The following AKR1C2 variants were observed in gnomAD, a reference collection of about 807,000 sequenced individuals.
AKR1C2 encodes aldo-keto reductase family 1 member C2, also known as 3-alpha-HSD3.
AKR1C2 carries 27 observed loss-of-function variants against 39.8 expected under a neutral mutation model. The ratio of observed to expected loss-of-function variants is 0.68; its 90% CI spans 0.50 to 0.93. AKR1C2 has a LOEUF of 0.93. Ranked by LOEUF, AKR1C2 falls within the 40% of genes least tolerant of loss-of-function variation. The pLI is 0.00. For synonymous variants in AKR1C2, 114 were observed against 137.9 expected (o/e 0.83, Z 1.22); for missense variants, 263 against 365.1 (o/e 0.72, Z 2.28).
At chr10:5,004,301 T>C (rs1436389271), upstream of AKR1C2, among the ~76,000 whole-genome samples, 1 of 152,354 alleles carries the variant, frequency 6.6e-6, no homozygotes, top group East Asian at 1.9e-4. Flanking sequence ...CTAATGAGCA[T>C]TTCTTTAAAA....
In AKR1C2 at chr10:5,013,592, A is replaced by T. The variant is rs189156675; in HGVS notation, c.-88+4308T>A. 5.9e-5 allele frequency: 10 copies of T among 168,450 alleles called. No individual in the cohort carries two copies. In the East Asian group the frequency reaches 1.3e-3, roughly 21 times the overall value. 10.4% of individuals were successfully genotyped at this position (168,450 alleles called of 1,614,324 possible). On this transcript the variant is annotated intron_variant, in intron 1 of 6. Transcript: ENST00000604507. Reference sequence around the variant, plus strand: ...ACTGGACACCCTGATGGACCTGGTTAAACCTGCATCTCTGCATTTCTCCAG... The same window carrying T: ...ACTGGACACCCTGATGGACCTGGTTTAACCTGCATCTCTGCATTTCTCCAG...
rs201188346 is a variant in AKR1C2, at chr10:4,998,619, G to A, written c.570+6C>T. 6.2e-5 allele frequency: 100 copies of A among 1,613,966 alleles called. No homozygotes were observed. The East Asian group carries it at 1.3e-3, about 21-fold the overall frequency. On this transcript the variant is annotated splice_donor_region_variant and intron_variant, in intron 5 of 8. Coordinates refer to ENST00000380753, the MANE Select transcript of AKR1C2 (RefSeq NM_001393392.1). ...ACAGAAAGGAGAGGAGGCTGAGGGC[G>A]CTCACCTGGTTGCAGACAGGCTTGT...
At position 5,011,485 on chromosome 10, in the gene AKR1C2, T is replaced by C. The variant is rs144517064; in HGVS notation, c.-88+6415A>G. Among the ~76,000 whole-genome samples, 1,242 of 152,308 alleles carry C rather than the reference T, an allele frequency of 8.2e-3. 10 individuals are homozygous for C. The highest frequency in any genetic ancestry group is 0.013 in the Non-Finnish European group (915 of 68,024). ...AGTAATACCTAGACTTCACTACAGA[T>C]CTAATGAATAAGAATCTCTGGTGTA... On this transcript the variant is annotated intron_variant, in intron 1 of 6. Transcript: ENST00000604507.
intron 8 of AKR1C2, among the ~76,000 whole-genome samples, 181 bp from the exon 9 acceptor site, chr10:4,990,219 A>G (rs1394607004): frequency 6.6e-6 from 1 of 152,220 alleles, no homozygotes; most frequent in African/African-American, 2.4e-5. Flanking sequence ...TATTTTCAAA[A>G]TAAAGAATAA....
At chr10:4,996,403 CT>C (rs1174771214) in intron 5 of AKR1C2, among the ~76,000 whole-genome samples, 9 of 150,614 alleles carry the variant, frequency 6.0e-5, no homozygotes, top group Admixed American at 6.0e-4. Context: ...TCTTTCATTA[CT>C]TTTCCTTTTT....
At chr10:5,000,050 C>A in intron 3 of AKR1C2, 1 of 1,065,106 alleles carries the variant, frequency 9.4e-7, no homozygotes, top group Non-Finnish European at 1.1e-6. Context: ...AAAAATAAAA[C>A]CTCCAGTGTG....
intron 1 of AKR1C2, chr10:5,013,270 C>T (rs1337332065): frequency 1.3e-5 from 2 of 152,104 alleles, no homozygotes; most frequent in African/African-American, 2.4e-5. Context: ...TGAAAAATTA[C>T]CTTATCTAAT....
At chr10:4,997,913 TGC>T (rs1554773296) in intron 5 of AKR1C2, among the ~76,000 whole-genome samples, 1 of 152,140 alleles carries the variant, frequency 6.6e-6, no homozygotes, top group East Asian at 1.9e-4. Flanking sequence ...GAAAGAACCA[TGC>T]ATAGAATAGA....
At chr10:5,011,887 G>GAGCA (rs1347410375) in intron 1 of AKR1C2, among the ~76,000 whole-genome samples, 1 of 152,172 alleles carries the variant, frequency 6.6e-6, no homozygotes, top group African/African-American at 2.4e-5. Context: ...AAGGTTCATA[G>GAGCA]AGCAGTTATA....
chr10:4,993,590 A>T (rs1405963018), intron 7 of AKR1C2, among the ~76,000 whole-genome samples: 2 of 152,114 alleles, frequency 1.3e-5, no homozygotes, highest in East Asian at 1.9e-4. Context: ...GACACAACAC[A>T]CACCAACCAC....
intron 7 of AKR1C2, among the ~76,000 whole-genome samples, chr10:4,993,278 A>G (rs1187688255): frequency 1.3e-5 from 2 of 152,232 alleles, no homozygotes; most frequent in South Asian, 2.1e-4. Context: ...ACTTTTTAAC[A>G]TTATAGCACA....
intron 1 of AKR1C2, among the ~76,000 whole-genome samples, chr10:5,015,636 G>A (rs1375302543): frequency 2.6e-5 from 4 of 152,122 alleles, no homozygotes; most frequent in Non-Finnish European, 5.9e-5. Flanking sequence ...GACAATGTAA[G>A]GTGTTGCAAA....
At chr10:4,997,712 TA>T (rs758019061) in intron 5 of AKR1C2, among the ~76,000 whole-genome samples, 2 of 152,196 alleles carry the variant, frequency 1.3e-5, no homozygotes, top group Non-Finnish European at 2.9e-5. Context: ...ATGCTTTTAT[TA>T]AATTATCACA....
chr10:5,000,137 C>G, intron 3 of AKR1C2: 1 of 1,285,508 alleles, frequency 7.8e-7, no homozygotes, highest in South Asian at 2.3e-5. Context: ...GAGTTCTTGC[C>G]CCTTGAAAAG....
chr10:5,001,125 C>T (rs1353199705), intron 2 of AKR1C2, among the ~76,000 whole-genome samples: 1 of 152,184 alleles, frequency 6.6e-6, no homozygotes, highest in African/African-American at 2.4e-5. Flanking sequence ...ACTCACTGAG[C>T]TCTCTTATAT....
chr10:5,017,537 A>G (rs1204899824), intron 1 of AKR1C2, among the ~76,000 whole-genome samples: 2 of 152,128 alleles, frequency 1.3e-5, no homozygotes, highest in Non-Finnish European at 2.9e-5. Flanking sequence ...TAAGTTTCTC[A>G]TCTCCATCTG....
intron 5 of AKR1C2, among the ~76,000 whole-genome samples, chr10:4,997,577 T>C (rs1175452079): frequency 1.2e-4 from 19 of 152,100 alleles, no homozygotes; most frequent in African/African-American, 4.3e-4. Flanking sequence ...AAAATGTTAG[T>C]AATTTTGAAT....
intron 8 of AKR1C2, among the ~76,000 whole-genome samples, chr10:4,991,550 T>C (rs111551929): frequency 1.3e-5 from 2 of 152,122 alleles, no homozygotes; most frequent in African/African-American, 2.4e-5. Flanking sequence ...ACGGCAGGCC[T>C]ACATGGAAGG....
At chr10:4,992,545 A>T (rs1387343817) in intron 7 of AKR1C2, among the ~76,000 whole-genome samples, 1 of 152,230 alleles carries the variant, frequency 6.6e-6, no homozygotes, top group Admixed American at 6.5e-5. Flanking sequence ...AATGACAGCA[A>T]TGTAACACTT....
Sources: gnomAD v4.1 joint callset for allele counts (sites outside exome capture counted in the v4.1 genomes callset) on GRCh38, gnomAD v4.1.1 for gene constraint, MANE v1.5 for transcripts, NCBI Gene and HGNC (gene_info 2026-07-23, HGNC 2026-07-21) for gene names.